ITPR2: variants seen among roughly 807,000 people sequenced by gnomAD.
The protein encoded by ITPR2 is inositol 1,4,5-trisphosphate-gated calcium channel ITPR2.
In ITPR2, 207 loss-of-function variants were observed where a neutral mutation model predicts 317.1. The observed-to-expected ratio is 0.65, with a 90% CI of 0.58 to 0.73. The LOEUF (loss-of-function observed/expected upper bound fraction) is 0.73. Ranked by LOEUF, ITPR2 falls within the 30% of genes least tolerant of loss-of-function variation. The probability of loss-of-function intolerance (pLI) is 0.00; values close to 1 mark genes in which losing one functional copy is unlikely to be tolerated. For synonymous variants in ITPR2, 1,156 were observed against 1,149.1 expected (o/e 1.01, Z -0.12); for missense variants, 2,613 against 3,284.0 (o/e 0.80, Z 4.99).
At chr12:26,464,818 C>G (rs1942129018) in intron 45 of ITPR2, among the ~76,000 whole-genome samples, 1 of 152,144 alleles carries the variant, frequency 6.6e-6, no homozygotes, top group South Asian at 2.1e-4. Context: ...GGAGGGACAT[C>G]CACCCAGGCT....
chr12:26,516,270 A>AGGAAGGGAAG (rs1591847735), intron 37 of ITPR2, among the ~76,000 whole-genome samples: 4 of 38,982 alleles, frequency 1.0e-4, no homozygotes, highest in African/African-American at 3.7e-4. Flanking sequence ...AGGAAAGGAA[A>AGGAAGGGAAG]GGAAGGGAAG....
intron 11 of ITPR2, among the ~76,000 whole-genome samples, chr12:26,682,898 GC>G (rs757853201): frequency 6.6e-6 from 1 of 152,158 alleles, no homozygotes; most frequent in Non-Finnish European, 1.5e-5. Flanking sequence ...TAGACCAGTG[GC>G]ATCAGCATTG....
chr12:26,639,537 G>A (rs1946936194), intron 21 of ITPR2, among the ~76,000 whole-genome samples: 1 of 151,502 alleles, frequency 6.6e-6, no homozygotes, highest in Non-Finnish European at 1.5e-5. Flanking sequence ...AGTTACATAT[G>A]TATACATGTG....
intron 14 of ITPR2, 95 bp from the exon 15 acceptor site, chr12:26,663,941 T>C (rs1169558062): frequency 8.7e-7 from 1 of 1,153,000 alleles, no homozygotes; most frequent in Non-Finnish European, 1.2e-6. Flanking sequence ...AAAAAACACT[T>C]ATATAAATTT....
chr12:26,347,615 C>T (rs1403958881), intron 55 of ITPR2, among the ~76,000 whole-genome samples: 1 of 152,182 alleles, frequency 6.6e-6, no homozygotes, highest in African/African-American at 2.4e-5. Flanking sequence ...GTCACTGCAC[C>T]AGATCACTCT....
At chr12:26,475,005 C>T (rs543624178) in intron 45 of ITPR2, among the ~76,000 whole-genome samples, 1 of 152,152 alleles carries the variant, frequency 6.6e-6, no homozygotes, top group South Asian at 2.1e-4. Flanking sequence ...CCTTCAGGAC[C>T]CTCATTTTTT....
chr12:26,438,796 A>ATGGCC (rs1298644865), intron 47 of ITPR2, among the ~76,000 whole-genome samples: 5 of 152,360 alleles, frequency 3.3e-5, no homozygotes, highest in Admixed American at 3.3e-4. Flanking sequence ...CTGATAGGCC[A>ATGGCC]GTCAGGGCCC....
At chr12:26,622,171 G>A in intron 25 of ITPR2, 69 bp downstream of exon 25, 1 of 1,405,620 alleles carries the variant, frequency 7.1e-7, no homozygotes, top group South Asian at 1.4e-5. Flanking sequence ...CAGCCATGAA[G>A]TCAGGTTGGA....
At chr12:26,654,695 C>G (rs975284547) in intron 20 of ITPR2, among the ~76,000 whole-genome samples, 6 of 138,034 alleles carry the variant, frequency 4.3e-5, no homozygotes, top group Non-Finnish European at 8.1e-5. Context: ...ATCTTGTACT[C>G]TCTCTCTCTC....
At chr12:26,392,368 A>G (rs1323518206) in intron 54 of ITPR2, among the ~76,000 whole-genome samples, 1 of 152,120 alleles carries the variant, frequency 6.6e-6, no homozygotes, top group Non-Finnish European at 1.5e-5. Context: ...CGCCAAATAC[A>G]CCAAGACACC....
chr12:26,801,143 GC>G (rs1950549675), intron 1 of ITPR2: 1 of 167,074 alleles, frequency 6.0e-6, no homozygotes, highest in Non-Finnish European at 1.3e-5. Flanking sequence ...AGGAGGTCCT[GC>G]CCCAGGTCCC....
Position 26,442,008 on chromosome 12 carries a change from G to A in ITPR2, c.6450+1535C>T, listed in dbSNP as rs189782710. On this transcript the variant is annotated intron_variant, in intron 46 of 56. Coordinates refer to ENST00000381340, the MANE Select transcript of ITPR2 (RefSeq NM_002223.4). ...TGTATTTTCCAGTCCAGCCATCTTCGATATCACCTCTCACTTTTGCCATTA... is the reference window on the plus strand; with the variant it reads ...TGTATTTTCCAGTCCAGCCATCTTCAATATCACCTCTCACTTTTGCCATTA... Among the ~76,000 whole-genome samples, 332 of 151,842 alleles carry A rather than the reference G, an allele frequency of 2.2e-3. 1 individual carries two copies. Among genetic ancestry groups the A allele is most frequent in the African/African-American group, 6.7e-3 (279 of 41,394 alleles).
chr12:26,386,400 C>A (rs556162767), intron 55 of ITPR2, among the ~76,000 whole-genome samples: 1 of 152,224 alleles, frequency 6.6e-6, no homozygotes, highest in Non-Finnish European at 1.5e-5. Flanking sequence ...ACATGTAGCT[C>A]TTTTGTGACA....
At chr12:26,558,380 C>A (rs1246682612) in intron 35 of ITPR2, among the ~76,000 whole-genome samples, 3 of 152,184 alleles carry the variant, frequency 2.0e-5, no homozygotes, top group Admixed American at 1.3e-4. Flanking sequence ...TACTAACAAT[C>A]ACGTGAGTTT....
intron 1 of ITPR2, among the ~76,000 whole-genome samples, chr12:26,813,146 T>C (rs1465633988): frequency 6.6e-6 from 1 of 152,190 alleles, no homozygotes; most frequent in Non-Finnish European, 1.5e-5. Flanking sequence ...TAAAATAAAT[T>C]ATATTTGTTT....
chr12:26,392,243 T>C (rs916388844), intron 54 of ITPR2, among the ~76,000 whole-genome samples: 2 of 152,204 alleles, frequency 1.3e-5, no homozygotes, highest in Admixed American at 6.5e-5. Flanking sequence ...AGCCCTCTTC[T>C]TCGTCTCTGT....
intron 45 of ITPR2, among the ~76,000 whole-genome samples, chr12:26,460,732 G>A (rs868042571): frequency 6.6e-6 from 1 of 152,132 alleles, no homozygotes; most frequent in Non-Finnish European, 1.5e-5. Context: ...TGGGGTCGGG[G>A]TCCCGGAATT....
intron 10 of ITPR2, among the ~76,000 whole-genome samples, chr12:26,694,174 T>G (rs934953857): frequency 6.6e-6 from 1 of 152,196 alleles, no homozygotes; most frequent in African/African-American, 2.4e-5. Flanking sequence ...TTTCACAGAA[T>G]GTCATCAGAC....
chr12:26,766,786 A>C (rs943463741), intron 2 of ITPR2, among the ~76,000 whole-genome samples: 1 of 152,138 alleles, frequency 6.6e-6, no homozygotes, highest in Non-Finnish European at 1.5e-5. Context: ...ACTTTGAGTT[A>C]ATTTTTTGTA....
Sources: gnomAD v4.1 joint callset for allele counts (sites outside exome capture counted in the v4.1 genomes callset) on GRCh38, gnomAD v4.1.1 for gene constraint, MANE v1.5 for transcripts, NCBI Gene and HGNC (gene_info 2026-07-23, HGNC 2026-07-21) for gene names.